The following ATG7 variants were observed in gnomAD, a reference collection of about 807,000 sequenced individuals.
The protein encoded by ATG7 is autophagy related 7.
Under a neutral mutation model 82.4 loss-of-function variants are expected in ATG7, and 70 were observed. That is an observed-to-expected ratio of 0.85 (90% CI 0.70 to 1.04). The LOEUF (loss-of-function observed/expected upper bound fraction) is 1.04. Ranked by LOEUF, ATG7 falls within the 50% of genes least tolerant of loss-of-function variation. The pLI, the probability that ATG7 is intolerant of heterozygous loss-of-function variation, is 0.00. For missense variants in ATG7, 792 were observed against 864.3 expected, an observed-to-expected ratio of 0.92 and a Z score of 1.05; for synonymous variants, 287 against 313.0, an observed-to-expected ratio of 0.92 and a Z score of 0.88.
At chr3:11,363,757 C>T (rs536511949) in intron 17 of ATG7, among the ~76,000 whole-genome samples, 4 of 152,148 alleles carry the variant, frequency 2.6e-5, no homozygotes, top group South Asian at 2.1e-4. Flanking sequence ...AGCAGAAAAT[C>T]GAATTTTTGA....
intron 20 of ATG7, among the ~76,000 whole-genome samples, chr3:11,506,584 A>AAAAAC (rs2091740563): frequency 7.3e-5 from 1 of 13,656 alleles, no homozygotes; most frequent in African/African-American, 2.5e-4. Flanking sequence ...AAAAAAAAAA[A>AAAAAC]CCCAAAAATT....
At chr3:11,476,607 G>C (rs1380099802) in intron 20 of ATG7, among the ~76,000 whole-genome samples, 1 of 152,142 alleles carries the variant, frequency 6.6e-6, no homozygotes, top group Non-Finnish European at 1.5e-5. Context: ...GTACAAGGTA[G>C]ATGGAATGGT....
At chr3:11,477,262 C>A in intron 20 of ATG7, 1 of 1,258,562 alleles carries the variant, frequency 7.9e-7, no homozygotes, top group South Asian at 1.3e-5. Flanking sequence ...CTGCTTTGTT[C>A]CATAAGGTAG....
intron 9 of ATG7, among the ~76,000 whole-genome samples, chr3:11,326,215 A>C (rs1281171314): frequency 2.0e-5 from 3 of 152,036 alleles, no homozygotes; most frequent in Non-Finnish European, 4.4e-5. Context: ...AAGCTGTTTC[A>C]ATGTTTTGGA....
Position 11,492,864 on chromosome 3 carries a change from C to T in ATG7, c.2080-61947C>T, listed in dbSNP as rs1274550144. On this transcript the variant is annotated intron_variant, in intron 20 of 20. Coordinates refer to ENST00000693202, the MANE Select transcript of ATG7 (RefSeq NM_001349232.2). ...AGGAACAAACTTTGTGCAGACCCCA[C>T]GGCAGTGTCCAGGTGGGGGTGCCTG... 2.0e-5 allele frequency among the ~76,000 whole-genome samples: 3 copies of T among 152,246 alleles called. No individual in the cohort carries two copies. The East Asian group carries it at 5.8e-4, about 29-fold the overall frequency.
At chr3:11,352,731 A>G (rs892525316) in intron 14 of ATG7, among the ~76,000 whole-genome samples, 2 of 152,240 alleles carry the variant, frequency 1.3e-5, no homozygotes, top group African/African-American at 4.8e-5. Flanking sequence ...GCTAAAAGGG[A>G]TAAGTAGACA....
intron 3 of ATG7, among the ~76,000 whole-genome samples, chr3:11,291,081 C>T (rs1944913567): frequency 6.6e-6 from 1 of 152,218 alleles, no homozygotes; most frequent in African/African-American, 2.4e-5. Flanking sequence ...GATTCTCTGG[C>T]ACTGGTAAAA....
At chr3:11,453,158 T>C (rs2085360836) in intron 20 of ATG7, among the ~76,000 whole-genome samples, 1 of 152,150 alleles carries the variant, frequency 6.6e-6, no homozygotes, top group Non-Finnish European at 1.5e-5. Flanking sequence ...CAGTTCAATG[T>C]TGAGGGGGCT....
intron 20 of ATG7, among the ~76,000 whole-genome samples, chr3:11,525,776 G>A (rs966721349): frequency 3.3e-5 from 5 of 151,576 alleles, no homozygotes; most frequent in African/African-American, 4.8e-5. Context: ...GGATGGTCTC[G>A]ATCTCCTGAC....
the ATG7 span, among the ~76,000 whole-genome samples, chr3:11,569,786 T>C: frequency 9.1e-4 from 139 of 152,186 alleles, 1 homozygote; most frequent in African/African-American, 3.3e-3. Flanking sequence ...GAGGCTGAAG[T>C]GGGAGGATCA....
rs113698882 is a variant in ATG7, at chr3:11,529,528, C to T, written c.2080-25283C>T. Reference sequence around the variant, plus strand: ...GTCCTGTTGGCCTTGGGCTGGTAGTCAGATGAGGTCAAGGGCTTGTTTTCA... The same window carrying T: ...GTCCTGTTGGCCTTGGGCTGGTAGTTAGATGAGGTCAAGGGCTTGTTTTCA... On this transcript the variant is annotated intron_variant, in intron 20 of 20. Transcript: ENST00000693202. 1,151 of 154,412 alleles carry T rather than the reference C, an allele frequency of 7.5e-3. 16 individuals carry two copies. The highest frequency in any genetic ancestry group is 0.026 in the African/African-American group (1,064 of 41,580). The allele number at this position is 154,412 out of a possible 1,614,324, so 9.6% of individuals were successfully genotyped here. A position where few individuals can be genotyped will look rare whatever the true frequency, so the allele number is the denominator to read the frequency against.
intron 19 of ATG7, among the ~76,000 whole-genome samples, chr3:11,395,978 A>C (rs2079229166): frequency 7.0e-6 from 1 of 142,492 alleles, no homozygotes; most frequent in Admixed American, 7.2e-5. Flanking sequence ...TAGGGGGGGA[A>C]GAGTAAAAGT....
intron 20 of ATG7, among the ~76,000 whole-genome samples, chr3:11,456,241 T>C (rs1333411131): frequency 6.6e-6 from 1 of 152,226 alleles, no homozygotes; most frequent in Admixed American, 6.5e-5. Flanking sequence ...TCCTGTAATA[T>C]ATGGGCTCTT....
chr3:11,521,779 C>T (rs1280525060), intron 20 of ATG7, among the ~76,000 whole-genome samples: 4 of 151,764 alleles, frequency 2.6e-5, no homozygotes, highest in Non-Finnish European at 5.9e-5. Context: ...GTCTCGATCT[C>T]CTGACCTTGT....
In ATG7 at chr3:11,278,638, T is replaced by G. The variant is rs1247939844; in HGVS notation, c.-365-2356T>G. The stretch of plus-strand genomic sequence containing the variant: ...AGAAGCTGGCACGGTTCCTTTCTCA[T>G]AGAATTTTTATTTATTCATTCTTTG... On this transcript the variant is annotated intron_variant, in intron 1 of 20. Transcript: ENST00000693202. Among the ~76,000 whole-genome samples the G allele has an allele frequency of 2.0e-5, 3 of 152,374 alleles. No homozygotes were observed. The East Asian group carries it at 5.8e-4, about 29-fold the overall frequency.
intron 13 of ATG7, among the ~76,000 whole-genome samples, chr3:11,344,212 T>C (rs1267069031): frequency 6.6e-6 from 1 of 152,194 alleles, no homozygotes; most frequent in Non-Finnish European, 1.5e-5. Flanking sequence ...AGCTTAATAG[T>C]ATTCCTCACC....
chr3:11,563,580 C>T, the ATG7 span, among the ~76,000 whole-genome samples: 1 of 152,336 alleles, frequency 6.6e-6, no homozygotes, highest in South Asian at 2.1e-4. Flanking sequence ...CTGCAGAGGG[C>T]TGGGTAAATG....
chr3:11,407,736 G>A (rs2080483781), intron 19 of ATG7, among the ~76,000 whole-genome samples: 2 of 152,254 alleles, frequency 1.3e-5, no homozygotes, highest in African/African-American at 4.8e-5. Context: ...ATTCTCTGAA[G>A]CCATGGCATG....
intron 20 of ATG7, among the ~76,000 whole-genome samples, chr3:11,525,026 T>A (rs912112664): frequency 2.0e-5 from 3 of 149,256 alleles, no homozygotes; most frequent in Non-Finnish European, 4.5e-5. Flanking sequence ...TCTGTGCAAA[T>A]CTCACTTTAT....
Sources: gnomAD v4.1 joint callset for allele counts (sites outside exome capture counted in the v4.1 genomes callset) on GRCh38, gnomAD v4.1.1 for gene constraint, MANE v1.5 for transcripts, NCBI Gene and HGNC (gene_info 2026-07-23, HGNC 2026-07-21) for gene names.